GPR137B: variants seen among roughly 807,000 people sequenced by gnomAD.
The protein encoded by GPR137B is G protein-coupled receptor 137B.
Under a neutral mutation model 42.5 loss-of-function variants are expected in GPR137B, and 42 were observed. The ratio of observed to expected loss-of-function variants is 0.99; its 90% CI spans 0.77 to 1.28. GPR137B has a LOEUF of 1.28. Ranked by LOEUF, GPR137B falls within the 50% of genes most tolerant of loss-of-function variation. GPR137B has a pLI of 0.00. For missense variants in GPR137B, 487 were observed against 493.9 expected (o/e 0.99, Z 0.13); for synonymous variants, 218 against 209.7 (o/e 1.04, Z -0.34).
chr1:236,208,635 A>G lies in GPR137B; in HGVS notation c.*477A>G. On this transcript the variant is annotated 3_prime_UTR_variant, in exon 7 of 7. Transcript: ENST00000366592. ...TGGTCACTCCGATTCTGAGTGCCAC[A>G]TTGGTAGACTCCTAAAATACAGTTG... is the stretch of plus-strand genomic sequence containing the variant. 2.0e-6 allele frequency: 2 copies of G among 985,802 alleles called. No homozygotes were observed. Among genetic ancestry groups the G allele is most frequent in the Non-Finnish European group, 2.4e-6 (2 of 829,852 alleles). 61.1% of individuals were successfully genotyped at this position (985,802 alleles called of 1,614,324 possible).
chr1:236,150,191 C>CTATGTGCCTGTGTGTGTGTCTGTGCCTG lies in GPR137B; in HGVS notation c.414+7156_414+7157insATGTGCCTGTGTGTGTGTCTGTGCCTGT. Among the ~76,000 whole-genome samples, 1 of 134,686 alleles carries CTATGTGCCTGTGTGTGTGTCTGTGCCTG rather than the reference C, an allele frequency of 7.4e-6. No homozygotes were observed. The highest frequency in any genetic ancestry group is 7.5e-5 in the Admixed American group (1 of 13,288). The allele number at this position is 134,686 out of a possible 152,430, so 88.4% of individuals were successfully genotyped here. A position where few individuals can be genotyped will look rare whatever the true frequency, so the allele number is the denominator to read the frequency against. ...TGTGCCCGTTTGTGTTTGTGTGTGT[C>CTATGTGCCTGTGTGTGTGTCTGTGCCTG]TGTGTGCCTGTGTGTGTGTCTGTGC... On this transcript the variant is annotated intron_variant, in intron 1 of 6. Transcript: ENST00000366592. The surrounding 1 kb of genome is among the most constrained non-coding windows in gnomAD (Gnocchi z 6.2).
rs544786340 is a variant in GPR137B at position 236,157,350 on chromosome 1, A to C, written c.415-11356A>C. On this transcript the variant is annotated intron_variant, in intron 1 of 6. Coordinates refer to ENST00000366592, the MANE Select transcript of GPR137B (RefSeq NM_003272.4). ...GCCATTCTCCTGCCTCAGTCTCCCCAGTGGCTGGGACTACAGGCGCCCGCC... is the reference window on the plus strand; with the variant it reads ...GCCATTCTCCTGCCTCAGTCTCCCCCGTGGCTGGGACTACAGGCGCCCGCC... 1.9e-3 allele frequency among the ~76,000 whole-genome samples: 283 copies of C among 151,104 alleles called. 1 individual carries two copies. The highest frequency in any genetic ancestry group is 6.3e-3 in the African/African-American group (257 of 41,018).
chr1:236,161,815 G>A (rs1662210898), intron 1 of GPR137B, among the ~76,000 whole-genome samples: 1 of 152,030 alleles, frequency 6.6e-6, no homozygotes. Flanking sequence ...ATGACTCTGA[G>A]GCCTCCCCAG....
chr1:236,200,900 CT>C (rs3082496), intron 5 of GPR137B, among the ~76,000 whole-genome samples: 13 of 149,564 alleles, frequency 8.7e-5, no homozygotes, highest in African/African-American at 2.5e-4. Flanking sequence ...TGCCTGAATA[CT>C]TTTTTTTTTC....
At chr1:236,152,064 T>C (rs1036460356) in intron 1 of GPR137B, among the ~76,000 whole-genome samples, 1 of 152,140 alleles carries the variant, frequency 6.6e-6, no homozygotes, top group Non-Finnish European at 1.5e-5. Flanking sequence ...CATCTATCCA[T>C]GCGAGAGGGC....
At chr1:236,146,864 A>C (rs1661695661) in intron 1 of GPR137B, among the ~76,000 whole-genome samples, 1 of 152,154 alleles carries the variant, frequency 6.6e-6, no homozygotes. Context: ...CCCAGGCCGC[A>C]GTAGTGTGAT....
At chr1:236,145,939 C>T (rs1661670062) in intron 1 of GPR137B, among the ~76,000 whole-genome samples, 1 of 152,146 alleles carries the variant, frequency 6.6e-6, no homozygotes. Flanking sequence ...TTCACTGCAA[C>T]CTCTGCCTCC....
chr1:236,191,699 C>T (rs560010690), intron 5 of GPR137B, among the ~76,000 whole-genome samples: 19 of 152,322 alleles, frequency 1.2e-4, no homozygotes, highest in African/African-American at 4.6e-4. Context: ...CCTCTGGAAG[C>T]TTTGTCCCAG....
At chr1:236,180,496 G>A (rs1662838098) in intron 4 of GPR137B, among the ~76,000 whole-genome samples, 1 of 152,106 alleles carries the variant, frequency 6.6e-6, no homozygotes, top group Non-Finnish European at 1.5e-5. Flanking sequence ...TCTGTCAGAT[G>A]GGATCACAGC....
intron 2 of GPR137B, among the ~76,000 whole-genome samples, chr1:236,172,387 C>A (rs1662563076): frequency 1.3e-5 from 2 of 152,186 alleles, no homozygotes; most frequent in Non-Finnish European, 2.9e-5. Flanking sequence ...TTGAAACTTT[C>A]CACTCCAATC....
intron 1 of GPR137B, among the ~76,000 whole-genome samples, chr1:236,154,336 C>T (rs1021545195): frequency 3.3e-5 from 5 of 152,130 alleles, no homozygotes; most frequent in African/African-American, 7.2e-5. Context: ...ATCCGTCCCC[C>T]GAGGACACAC....
chr1:236,144,060 G>T (rs10924341), intron 1 of GPR137B, among the ~76,000 whole-genome samples: 66,385 of 150,828 alleles, frequency 0.44, 15,365 homozygotes, highest in South Asian at 0.58. Context: ...CCCTGTGCAA[G>T]CAGGCATCTC....
chr1:236,192,997 C>T (rs563830140), intron 5 of GPR137B, among the ~76,000 whole-genome samples: 11 of 152,076 alleles, frequency 7.2e-5, no homozygotes, highest in Middle Eastern at 3.4e-3. Flanking sequence ...TGGGTTCAAG[C>T]GATTCCCCTG....
chr1:236,175,303 G>A lies in GPR137B; in HGVS notation c.465-3111G>A, dbSNP rs181468643. On this transcript the variant is annotated intron_variant, in intron 2 of 6. Transcript: ENST00000366592. Reference sequence around the variant, plus strand: ...GTGTTCATGCTGAGTAAGTGGAGGAGGAGAGGGGAGAGGAAGGTTTTGCTG... The same window carrying A: ...GTGTTCATGCTGAGTAAGTGGAGGAAGAGAGGGGAGAGGAAGGTTTTGCTG... 2.6e-5 allele frequency among the ~76,000 whole-genome samples: 4 copies of A among 152,294 alleles called. No homozygotes were observed. In the East Asian group the frequency reaches 7.7e-4, roughly 29 times the overall value.
chr1:236,195,835 C>T (rs1352234696), intron 5 of GPR137B, among the ~76,000 whole-genome samples: 1 of 152,152 alleles, frequency 6.6e-6, no homozygotes, highest in Non-Finnish European at 1.5e-5. Flanking sequence ...TTTTGATTTG[C>T]ATTTCTCTGA....
intron 2 of GPR137B, among the ~76,000 whole-genome samples, chr1:236,176,184 GC>G (rs1200910316): frequency 2.6e-5 from 4 of 152,202 alleles, no homozygotes; most frequent in African/African-American, 4.8e-5. Flanking sequence ...AGAGTGAGGG[GC>G]CTTGCTCAGC....
chr1:236,143,052 G>A lies in GPR137B; in HGVS notation c.414+16G>A. ...CTTCACGCAGGTGAGTTTCAGAGAGGCTCCTGGAGGCGCTCACCTGGCGGG... is the reference window on the plus strand; with the variant it reads ...CTTCACGCAGGTGAGTTTCAGAGAGACTCCTGGAGGCGCTCACCTGGCGGG... On this transcript the variant is annotated intron_variant, in intron 1 of 6. Coordinates refer to ENST00000366592, the MANE Select transcript of GPR137B (RefSeq NM_003272.4). 7 of 1,586,284 alleles carry A rather than the reference G, an allele frequency of 4.4e-6. No individual in the cohort carries two copies. Among genetic ancestry groups the A allele is most frequent in the Non-Finnish European group, 6.0e-6 (7 of 1,167,158 alleles).
chr1:236,153,042 C>T (rs1661914654), intron 1 of GPR137B, among the ~76,000 whole-genome samples: 1 of 145,268 alleles, frequency 6.9e-6, no homozygotes, highest in Admixed American at 7.0e-5. Context: ...GGAGACAGAG[C>T]AATACTCCAT....
At position 236,171,411 on chromosome 1, in the gene GPR137B, A is replaced by G. The variant is rs896938046; in HGVS notation, c.464+2656A>G. 9.2e-5 allele frequency among the ~76,000 whole-genome samples: 14 copies of G among 152,314 alleles called. No individual in the cohort carries two copies. Among genetic ancestry groups the G allele is most frequent in the African/African-American group, 3.4e-4 (14 of 41,566 alleles). On this transcript the variant is annotated intron_variant, in intron 2 of 6. Transcript: ENST00000366592. The surrounding 1 kb of genome is among the most constrained non-coding windows in gnomAD (Gnocchi z 4.4). Reference sequence around the variant, plus strand: ...AATGTAGGTCAAAGCATGAGTGAAGATGGGCATAGGAGGAGAACATTCTGT... The same window carrying G: ...AATGTAGGTCAAAGCATGAGTGAAGGTGGGCATAGGAGGAGAACATTCTGT...
Sources: gnomAD v4.1 joint callset for allele counts (sites outside exome capture counted in the v4.1 genomes callset) on GRCh38, gnomAD v4.1.1 for gene constraint, Gnocchi (gnomAD v3.1) non-coding constraint, MANE v1.5 for transcripts, NCBI Gene and HGNC (gene_info 2026-07-23, HGNC 2026-07-21) for gene names.